The following PKP4 variants were observed in gnomAD, a reference collection of about 807,000 sequenced individuals.
PKP4 encodes the protein plakophilin 4.
In PKP4, 90 loss-of-function variants were observed where a neutral mutation model predicts 145.1. The observed-to-expected ratio is 0.62, with a 90% CI of 0.52 to 0.74. The LOEUF (loss-of-function observed/expected upper bound fraction) is 0.74. Among genes scored for constraint, PKP4 ranks in the 30% least tolerant of loss-of-function variants. PKP4 has a pLI of 0.00. For missense variants in PKP4, 1,340 were observed against 1,482.7 expected, an observed-to-expected ratio of 0.90 and a Z score of 1.58; for synonymous variants, 563 against 577.2, an observed-to-expected ratio of 0.98 and a Z score of 0.35.
chr2:158,574,995 C>T (rs1036190434), intron 2 of PKP4, among the ~76,000 whole-genome samples: 2 of 152,158 alleles, frequency 1.3e-5, no homozygotes, highest in East Asian at 1.9e-4. Flanking sequence ...GATACAGAAA[C>T]TAACATGGCT....
intron 2 of PKP4, chr2:158,549,105 G>T (rs977601211): frequency 2.5e-5 from 5 of 199,544 alleles, no homozygotes; most frequent in Admixed American, 2.4e-4. Flanking sequence ...CAATTACAAT[G>T]ATAGATATGA....
chr2:158,468,749 A>G (rs1191558174), intron 1 of PKP4, among the ~76,000 whole-genome samples: 2 of 145,590 alleles, frequency 1.4e-5, no homozygotes, highest in African/African-American at 2.5e-5. Context: ...AAGAAATTAG[A>G]CATTTTCTTT....
chr2:158,608,799 CT>C (rs766243441), intron 4 of PKP4, among the ~76,000 whole-genome samples: 5 of 89,672 alleles, frequency 5.6e-5, no homozygotes, highest in African/African-American at 7.6e-5. Flanking sequence ...ATCTTATTTT[CT>C]TTTCTTTCTT....
intron 16 of PKP4, among the ~76,000 whole-genome samples, chr2:158,668,950 A>G (rs1184835777): frequency 6.6e-6 from 1 of 152,248 alleles, no homozygotes; most frequent in African/African-American, 2.4e-5. Flanking sequence ...GTCAGTTGGT[A>G]ATCGAAGTTG....
intron 21 of PKP4, 51 bp from the exon 22 acceptor site, chr2:158,680,378 G>A (rs749274558): frequency 3.6e-6 from 5 of 1,405,256 alleles, no homozygotes; most frequent in Admixed American, 2.1e-5. Flanking sequence ...CCTAACACAT[G>A]TATTTTTAAA....
Position 158,663,354 on chromosome 2 carries a change from C to T in PKP4, c.2486C>T (p.Pro829Leu). ...EMLWHPSVVK[P>L]YLTLLAESSN... ...CTGTGGCACCCATCGGTGGTAAAACCATATCTGACTCTTCTAGCAGAAAGT... is the reference window on the plus strand; with the variant it reads ...CTGTGGCACCCATCGGTGGTAAAACTATATCTGACTCTTCTAGCAGAAAGT... Residue 829 changes from proline to leucine, a missense_variant, in exon 15 of 22, where the codon CCA becomes CTA. Pro to Leu is a moderately conservative substitution (Grantham distance 98). Coordinates refer to ENST00000389759, the MANE Select transcript of PKP4 (RefSeq NM_003628.6). 6.2e-7 allele frequency: 1 copy of T among 1,614,074 alleles called. No homozygotes were observed. Among genetic ancestry groups the T allele is most frequent in the South Asian group, 1.1e-5 (1 of 91,080 alleles).
chr2:158,640,460 G>A (rs1453690708), intron 9 of PKP4, among the ~76,000 whole-genome samples, 167 bp from the exon 10 acceptor site: 1 of 152,174 alleles, frequency 6.6e-6, no homozygotes, highest in Non-Finnish European at 1.5e-5. Context: ...CTGGGCCTCT[G>A]CATATGTTCA....
chr2:158,680,601 A>G lies in PKP4; in HGVS notation c.3503A>G (p.Tyr1168Cys). The G allele has an allele frequency of 1.2e-6, 2 of 1,613,996 alleles. No individual in the cohort carries two copies. The highest frequency in any genetic ancestry group is 1.7e-6 in the Non-Finnish European group (2 of 1,179,860). Residue 1168 changes from tyrosine to cysteine, a missense_variant, in exon 22 of 22, where the codon TAT (tyrosine) becomes TGT (cysteine). Coordinates refer to ENST00000389759, the MANE Select transcript of PKP4 (RefSeq NM_003628.6). ...TATGGACTGAAATCGACCACAAATT[A>G]TGTAGACTTTTATTCCACTAAACGA... The part of the protein sequence containing the change: ...TQYGLKSTTN[Y>C]VDFYSTKRPS...
intron 2 of PKP4, chr2:158,549,297 T>C (rs548168213): frequency 6.6e-6 from 1 of 152,470 alleles, no homozygotes; most frequent in African/African-American, 2.4e-5. Context: ...AAGTTTTCAG[T>C]ATTATCAGAA....
intron 15 of PKP4, among the ~76,000 whole-genome samples, chr2:158,664,150 C>T (rs1185434562): frequency 6.6e-6 from 1 of 152,044 alleles, no homozygotes; most frequent in Non-Finnish European, 1.5e-5. Flanking sequence ...AAGGTGGATT[C>T]GAGGAAGGGA....
intron 1 of PKP4, among the ~76,000 whole-genome samples, chr2:158,526,405 G>C (rs62182707): frequency 0.27 from 11,053 of 41,418 alleles, 1,696 homozygotes; most frequent in East Asian, 0.49. Context: ...CTCAATAGAT[G>C]CAGAAAAAGC....
chr2:158,587,167 A>G (rs2048871631), intron 3 of PKP4, among the ~76,000 whole-genome samples: 6 of 152,308 alleles, frequency 3.9e-5, no homozygotes, highest in Middle Eastern at 3.4e-3. Flanking sequence ...AGATTATTTT[A>G]AGACTATTTT....
At chr2:158,605,044 C>T (rs1453443513) in intron 4 of PKP4, among the ~76,000 whole-genome samples, 2 of 152,150 alleles carry the variant, frequency 1.3e-5, no homozygotes, top group African/African-American at 2.4e-5. Context: ...GTTATTTCCC[C>T]CACTTTGTCA....
chr2:158,567,888 A>G (rs1574524732), intron 2 of PKP4, among the ~76,000 whole-genome samples: 1 of 152,218 alleles, frequency 6.6e-6, no homozygotes, highest in South Asian at 2.1e-4. Flanking sequence ...GAAATCACTT[A>G]ATGTGCAAGG....
intron 1 of PKP4, among the ~76,000 whole-genome samples, chr2:158,500,792 A>G (rs1696444317): frequency 6.6e-6 from 1 of 152,204 alleles, no homozygotes; most frequent in African/African-American, 2.4e-5. Flanking sequence ...CTCGTGAGAA[A>G]GTCCTCATAT....
rs187903993 is a variant in PKP4, at chr2:158,469,792, G to A, written c.-6+12574G>A. Among the ~76,000 whole-genome samples, 71 of 152,248 alleles carry A rather than the reference G, an allele frequency of 4.7e-4. 1 individual carries two copies. The East Asian group carries it at 7.1e-3, about 15-fold the overall frequency. Reference sequence around the variant, plus strand: ...CTTTTAAGGATTTGATCCATTTTCTGTATTTGAATGATATAACCTCAGCAC... The same window carrying A: ...CTTTTAAGGATTTGATCCATTTTCTATATTTGAATGATATAACCTCAGCAC... On this transcript the variant is annotated intron_variant, in intron 1 of 21. Coordinates refer to ENST00000389759, the MANE Select transcript of PKP4 (RefSeq NM_003628.6).
intron 7 of PKP4, among the ~76,000 whole-genome samples, chr2:158,626,144 A>G (rs963098849): frequency 2.0e-5 from 3 of 152,220 alleles, no homozygotes; most frequent in South Asian, 2.1e-4. Flanking sequence ...TTAAAACTAT[A>G]TGGGAAAATA....
chr2:158,458,675 C>G lies in PKP4; in HGVS notation c.-6+1457C>G, dbSNP rs1454111829. Among the ~76,000 whole-genome samples, 3 of 152,304 alleles carry G rather than the reference C, an allele frequency of 2.0e-5. No individual in the cohort carries two copies. The East Asian group carries it at 5.8e-4, about 29-fold the overall frequency. On this transcript the variant is annotated intron_variant, in intron 1 of 21. Coordinates refer to ENST00000389759, the MANE Select transcript of PKP4 (RefSeq NM_003628.6). The stretch of plus-strand genomic sequence containing the variant: ...ACTGCGAGAGAGATCTTGAATGCAT[C>G]ACTTTGGTATCCTAAGAAGTGTAAT...
At position 158,680,505 on chromosome 2, in the gene PKP4, C is replaced by G; in HGVS notation, c.3407C>G (p.Pro1136Arg). Residue 1136 changes from proline (P) to arginine (R), a missense_variant, in exon 22 of 22, where the codon CCT becomes CGT. By Grantham distance (103) the Pro-to-Arg change is moderately radical. Transcript: ENST00000389759. ...FDAYRLYLQS[P>R]HSYEDPYFDD... ...GCATACAGATTGTATTTGCAGTCTCCTCATAGCTATGAAGATCCTTATTTT... is the reference window on the plus strand; with the variant it reads ...GCATACAGATTGTATTTGCAGTCTCGTCATAGCTATGAAGATCCTTATTTT... The G allele has an allele frequency of 6.2e-7, 1 of 1,613,102 alleles. No individual in the cohort carries two copies. Among genetic ancestry groups the G allele is most frequent in the Non-Finnish European group, 8.5e-7 (1 of 1,179,052 alleles).
Sources: allele counts gnomAD v4.1 joint callset (sites outside exome capture counted in the v4.1 genomes callset), GRCh38; gene constraint gnomAD v4.1.1; transcripts MANE v1.5; gene names NCBI Gene and HGNC (gene_info 2026-07-23, HGNC 2026-07-21).